Variants in MCM10 observed in about 807,000 individuals in gnomAD.
The protein encoded by MCM10 is minichromosome maintenance 10 replication initiation factor, also known as protein MCM10 homolog.
MCM10 carries 91 observed loss-of-function variants against 109.9 expected under a neutral mutation model. The ratio of observed to expected loss-of-function variants is 0.83; its 90% CI spans 0.70 to 0.99. The LOEUF (loss-of-function observed/expected upper bound fraction) is 0.99, where lower values mean the gene tolerates loss of function less well. Among genes scored for constraint, MCM10 ranks in the 50% least tolerant of loss-of-function variants. The pLI is 0.00. For missense variants in MCM10, 1,077 were observed against 1,061.2 expected, an observed-to-expected ratio of 1.01 and a Z score of -0.21; for synonymous variants, 380 against 387.2, an observed-to-expected ratio of 0.98 and a Z score of 0.22.
At chr10:13,167,394 G>C (rs568682027) in intron 2 of MCM10, among the ~76,000 whole-genome samples, 1 of 152,268 alleles carries the variant, frequency 6.6e-6, no homozygotes, top group South Asian at 2.1e-4. Flanking sequence ...TGAAAGGATG[G>C]GAGGTTGGAT....
chr10:13,188,756 G>A (rs1307845426), intron 9 of MCM10, 125 bp from the exon 10 acceptor site: 1 of 826,648 alleles, frequency 1.2e-6, no homozygotes, highest in Non-Finnish European at 2.1e-6. Flanking sequence ...AACGGTCGTG[G>A]AGGTCAGCAG....
At chr10:13,164,278 T>G in intron 2 of MCM10, 69 bp downstream of exon 2, 1 of 1,455,146 alleles carries the variant, frequency 6.9e-7, no homozygotes, top group Non-Finnish European at 9.3e-7. Context: ...GACTTGTTAT[T>G]TATTCTACCT....
At chr10:13,200,500 C>G (rs150651960) in intron 16 of MCM10, among the ~76,000 whole-genome samples, 74 of 152,374 alleles carry the variant, frequency 4.9e-4, no homozygotes, top group African/African-American at 1.8e-3. Context: ...ACTAATGAGA[C>G]AGTTCTGCAT....
rs1384841030 is a variant in MCM10 at position 13,162,005 on chromosome 10, C to G, written c.-76+399C>G. Among the ~76,000 whole-genome samples, 3 of 152,210 alleles carry G rather than the reference C, an allele frequency of 2.0e-5. No individual in the cohort carries two copies. The East Asian group carries it at 5.8e-4, about 29-fold the overall frequency. On this transcript the variant is annotated intron_variant, in intron 1 of 19. Transcript: ENST00000378714. ...TCACATTTCCGCTGCCTTCACAGCG[C>G]TTACAGTTTAAAGGCACGAGCAGGT... is the stretch of plus-strand genomic sequence containing the variant.
In MCM10 at chr10:13,171,188, G is replaced by T. The variant is rs374001594; in HGVS notation, c.274G>T (p.Ala92Ser). The change falls in exon 3 of 20, where the codon GCA becomes TCA. Residue 92 changes from alanine (A) to serine (S), a missense_variant. By Grantham distance (99) the Ala-to-Ser change is moderately conservative (BLOSUM62 1). Coordinates refer to ENST00000378714, the MANE Select transcript of MCM10 (RefSeq NM_018518.5). ...CTTAACAGATGAAGAAGAAGTTCCC[G>T]CATCACAGTCAACTGAAAATAGGGT... is the stretch of plus-strand genomic sequence containing the variant. ...EDLTDEEEVP[A>S]SQSTENRVLP... 3.8e-5 allele frequency: 61 copies of T among 1,614,156 alleles called. No individual in the cohort carries two copies. In the Admixed American group the frequency reaches 4.7e-4, roughly 12 times the overall value.
At chr10:13,189,510 A>T (rs1171201136) in intron 10 of MCM10, among the ~76,000 whole-genome samples, 1 of 152,086 alleles carries the variant, frequency 6.6e-6, no homozygotes, top group East Asian at 1.9e-4. Flanking sequence ...TTTGGTACAG[A>T]CAGGGTTTCA....
rs114655259 is a variant in MCM10, at chr10:13,165,311, G to C, written c.7+1102G>C. Among the ~76,000 whole-genome samples, 349 of 152,288 alleles carry C rather than the reference G, an allele frequency of 2.3e-3. 1 individual carries two copies. The highest frequency in any genetic ancestry group is 7.5e-3 in the African/African-American group (312 of 41,554). Reference sequence around the variant, plus strand: ...GCACTCTCAAAATATCCATTGTACTGTCCTCAACCACAGTGACCATGGAAA... The same window carrying C: ...GCACTCTCAAAATATCCATTGTACTCTCCTCAACCACAGTGACCATGGAAA... On this transcript the variant is annotated intron_variant, in intron 2 of 19. Transcript: ENST00000378714.
intron 7 of MCM10, among the ~76,000 whole-genome samples, chr10:13,181,901 T>G (rs1374186797): frequency 6.6e-6 from 1 of 152,200 alleles, no homozygotes; most frequent in African/African-American, 2.4e-5. Flanking sequence ...GTCCGGGCAG[T>G]AGATTCCATG....
chr10:13,164,349 T>G, intron 2 of MCM10, 140 bp downstream of exon 2: 1 of 646,340 alleles, frequency 1.5e-6, no homozygotes, highest in Non-Finnish European at 2.4e-6. Context: ...TGAAGCAATC[T>G]CACATCTCAC....
At chr10:13,168,623 T>C (rs1258716288) in intron 2 of MCM10, among the ~76,000 whole-genome samples, 1 of 151,946 alleles carries the variant, frequency 6.6e-6, no homozygotes, top group African/African-American at 2.4e-5. Flanking sequence ...GCAAAGAAAA[T>C]AGATAAATCA....
At chr10:13,192,591 T>A (rs768319456) in intron 13 of MCM10, 23 bp downstream of exon 13, 1 of 1,605,178 alleles carries the variant, frequency 6.2e-7, no homozygotes, top group Non-Finnish European at 8.5e-7. Context: ...GATTTAATAT[T>A]CCCCGCTTGG....
intron 2 of MCM10, among the ~76,000 whole-genome samples, chr10:13,165,652 A>T (rs1194780624): frequency 6.6e-6 from 1 of 152,170 alleles, no homozygotes; most frequent in African/African-American, 2.4e-5. Flanking sequence ...AGGTGGGTGG[A>T]TCACCTGAGG....
At chr10:13,201,361 T>C (rs1249954690) in intron 16 of MCM10, 60 bp from the exon 17 acceptor site, 2 of 967,142 alleles carry the variant, frequency 2.1e-6, no homozygotes, top group Non-Finnish European at 1.6e-6. Context: ...ACTCTTACTG[T>C]GCTGCCTGAG....
Position 13,175,746 on chromosome 10 carries a change from T to G in MCM10, c.764+65T>G. 6 of 1,135,724 alleles carry G rather than the reference T, an allele frequency of 5.3e-6. No homozygotes were observed. The South Asian group carries it at 8.9e-5, about 17-fold the overall frequency. 70.4% of individuals were successfully genotyped at this position (1,135,724 alleles called of 1,614,324 possible). A position where few individuals can be genotyped will look rare whatever the true frequency, so the allele number is the denominator to read the frequency against. ...AGCTTTTTGTGCCTCTCGGAGTCCT[T>G]TAGAAGTAGTGTGTTTATACATCAG... is the stretch of plus-strand genomic sequence containing the variant. On this transcript the variant is annotated intron_variant, in intron 6 of 19. Coordinates refer to ENST00000378714, the MANE Select transcript of MCM10 (RefSeq NM_018518.5).
intron 16 of MCM10, among the ~76,000 whole-genome samples, chr10:13,200,993 A>G (rs1325843555): frequency 6.6e-6 from 1 of 152,072 alleles, no homozygotes; most frequent in Non-Finnish European, 1.5e-5. Context: ...GAAAATCCAA[A>G]AATTTAGCTG....
In MCM10 at chr10:13,183,090, G is replaced by C; in HGVS notation, c.1088G>C (p.Gly363Ala). ...LNANPMKPKDGSEEVCLSIDH... is the reference protein window; with the variant it reads ...LNANPMKPKDASEEVCLSIDH... ...GCCAACCCCATGAAGCCCAAGGATG[G>C]TTCAGAGGAGGTAAGAGCCTGTTTC... Residue 363 changes from glycine to alanine, a missense_variant, in exon 8 of 20, where the codon GGT (glycine) becomes GCT (alanine). By Grantham distance (60) the Gly-to-Ala change is moderately conservative. Coordinates refer to ENST00000378714, the MANE Select transcript of MCM10 (RefSeq NM_018518.5). 1 of 1,610,004 alleles carries C rather than the reference G, an allele frequency of 6.2e-7. No homozygotes were observed. The highest frequency in any genetic ancestry group is 8.5e-7 in the Non-Finnish European group (1 of 1,179,032).
chr10:13,204,945 GT>G (rs111684127), intron 18 of MCM10, among the ~76,000 whole-genome samples: 2,156 of 95,066 alleles, frequency 0.023, 72 homozygotes, highest in African/African-American at 0.055. Context: ...GCAAATAGTT[GT>G]TATATTGTTT....
intron 1 of MCM10, among the ~76,000 whole-genome samples, chr10:13,163,620 G>A (rs1373645806): frequency 2.6e-5 from 4 of 151,560 alleles, no homozygotes; most frequent in Non-Finnish European, 4.4e-5. Flanking sequence ...CGTGGATAAC[G>A]CAGATGTCAG....
chr10:13,184,762 C>T (rs1834252454), intron 8 of MCM10, among the ~76,000 whole-genome samples: 1 of 152,182 alleles, frequency 6.6e-6, no homozygotes, highest in South Asian at 2.1e-4. Context: ...AGAGTGACAT[C>T]TCTGTGAGTC....
Sources: gnomAD v4.1 joint callset for allele counts (sites outside exome capture counted in the v4.1 genomes callset) on GRCh38, gnomAD v4.1.1 for gene constraint, MANE v1.5 for transcripts, NCBI Gene and HGNC (gene_info 2026-07-23, HGNC 2026-07-21) for gene names.